Variants in NPIPB2 observed in about 807,000 individuals in gnomAD.
NPIPB2 encodes nuclear pore complex-interacting protein family member B2.
In NPIPB2, 27 loss-of-function variants were observed where a neutral mutation model predicts 30.8. That is an observed-to-expected ratio of 0.88 (90% CI 0.65 to 1.21). The LOEUF is 1.21. Ranked by LOEUF, NPIPB2 falls within the 50% of genes most tolerant of loss-of-function variation. The probability of loss-of-function intolerance (pLI) is 0.00; values close to 1 mark genes in which losing one functional copy is unlikely to be tolerated. For missense variants in NPIPB2, 440 were observed against 446.2 expected (o/e 0.99, Z 0.13); for synonymous variants, 147 against 162.0 (o/e 0.91, Z 0.70).
chr16:11,950,472 C>G (rs143033982), intron 1 of NPIPB2, among the ~76,000 whole-genome samples: 1 of 152,122 alleles, frequency 6.6e-6, no homozygotes, highest in Non-Finnish European at 1.5e-5. Flanking sequence ...GCCCGCTAAG[C>G]CTTGAATTTG....
At chr16:11,934,758 C>T (rs1218480488) in intron 2 of NPIPB2, among the ~76,000 whole-genome samples, 1 of 142,784 alleles carries the variant, frequency 7.0e-6, no homozygotes, top group Admixed American at 7.2e-5. Context: ...ACTTGGGAGG[C>T]TGAGGCAGGA....
At chr16:11,966,025 T>C (rs432140) in intron 1 of NPIPB2, among the ~76,000 whole-genome samples, 150,067 of 152,234 alleles carry the variant, frequency 0.99, 74,007 homozygotes, top group East Asian at 1. Context: ...GCAGGAGAAT[T>C]GTTTGAACTT....
chr16:11,951,666 A>ACACACCCCCC lies in NPIPB2; in HGVS notation c.-583-9553_-583-9552insGGGGGGTGTG, dbSNP rs1226047972. ...CACACACACACACACACACACACAC[A>ACACACCCCCC]CCCAGCCCCCAAACAACAAAATTCA... is the stretch of plus-strand genomic sequence containing the variant. On this transcript the variant is annotated intron_variant, in intron 1 of 5. Coordinates refer to the NPIPB2 transcript ENST00000538896. Among the ~76,000 whole-genome samples, 17 of 138,968 alleles carry ACACACCCCCC rather than the reference A, an allele frequency of 1.2e-4. No homozygotes were observed. In the East Asian group the frequency reaches 1.7e-3, roughly 14 times the overall value. The allele number at this position is 138,968 out of a possible 152,430, so 91.2% of individuals were successfully genotyped here.
chr16:11,944,400 C>T (rs900886800), upstream of NPIPB2, among the ~76,000 whole-genome samples: 22 of 151,808 alleles, frequency 1.4e-4, no homozygotes, highest in Admixed American at 3.9e-4. Context: ...CTCCTGACCT[C>T]GTGTGATCTG....
intron 1 of NPIPB2, chr16:11,967,782 T>C: frequency 6.2e-7 from 1 of 1,614,208 alleles, no homozygotes; most frequent in East Asian, 2.2e-5. Context: ...AACGAATGAC[T>C]ATTGCAAGAG....
chr16:11,972,736 C>T (rs983165684), intron 1 of NPIPB2, among the ~76,000 whole-genome samples: 10 of 151,366 alleles, frequency 6.6e-5, no homozygotes, highest in South Asian at 2.1e-4. Flanking sequence ...TGGTGGTGGG[C>T]GCCTGTAATC....
At chr16:11,959,306 G>C (rs928836080) in intron 1 of NPIPB2, among the ~76,000 whole-genome samples, 4 of 152,102 alleles carry the variant, frequency 2.6e-5, no homozygotes, top group African/African-American at 9.7e-5. Context: ...TCCTAGCCAG[G>C]CACAGTGGCT....
upstream of NPIPB2, among the ~76,000 whole-genome samples, chr16:11,946,074 AAAGG>A (rs978017865): frequency 2.6e-5 from 4 of 151,750 alleles, no homozygotes; most frequent in Admixed American, 2.0e-4. Context: ...AGAAAGAAAG[AAAGG>A]AAGGAAGGAA....
intron 1 of NPIPB2, among the ~76,000 whole-genome samples, chr16:11,957,698 AAAG>A (rs1164515769): frequency 1.3e-5 from 2 of 152,134 alleles, no homozygotes; most frequent in Admixed American, 1.3e-4. Context: ...ATTTCCTGAA[AAAG>A]AAGGAATTCA....
chr16:11,972,155 CA>C (rs1244900657), intron 1 of NPIPB2, among the ~76,000 whole-genome samples: 1 of 151,660 alleles, frequency 6.6e-6, no homozygotes, highest in Non-Finnish European at 1.5e-5. Flanking sequence ...CTCAAAAAAA[CA>C]AAAACAAACC....
upstream of NPIPB2, among the ~76,000 whole-genome samples, chr16:11,942,634 T>C (rs866420953): frequency 2.6e-5 from 4 of 152,176 alleles, no homozygotes; most frequent in Non-Finnish European, 5.9e-5. Context: ...CCAAGGAATC[T>C]GTGCATTTCA....
In NPIPB2 at chr16:11,955,093, G is replaced by A. The variant is rs894972160; in HGVS notation, c.-583-12979C>T. 5.3e-4 allele frequency among the ~76,000 whole-genome samples: 81 copies of A among 151,964 alleles called. 1 individual carries two copies. The highest frequency in any genetic ancestry group is 1.5e-5 in the Non-Finnish European group (1 of 67,982). On this transcript the variant is annotated intron_variant, in intron 1 of 5. Transcript: ENST00000538896. ...TCATCTATAAAGATTTCAGAATTTAGGCTGGGCGCGGTGGCTCACACCTAT... is the reference window on the plus strand; with the variant it reads ...TCATCTATAAAGATTTCAGAATTTAAGCTGGGCGCGGTGGCTCACACCTAT...
At position 11,975,141 on chromosome 16, in the gene NPIPB2, C is replaced by T. The variant is rs1450457302; in HGVS notation, c.-584+1427G>A. ...CTTGTGTTCACACTCAATCCATCAC[C>T]TTTTTTTTTTTTTTTTTTTTTTTTG... On this transcript the variant is annotated intron_variant, in intron 1 of 5. Coordinates refer to the NPIPB2 transcript ENST00000538896. Among the ~76,000 whole-genome samples the T allele has an allele frequency of 6.1e-4, 23 of 37,520 alleles. No homozygotes were observed. In the South Asian group the frequency reaches 0.031, roughly 51 times the overall value. 24.6% of individuals were successfully genotyped at this position (37,520 alleles called of 152,430 possible).
chr16:11,975,378 A>T (rs2055276359), intron 1 of NPIPB2, among the ~76,000 whole-genome samples: 1 of 149,142 alleles, frequency 6.7e-6, no homozygotes, highest in Admixed American at 6.7e-5. Flanking sequence ...CGATCTCCTG[A>T]CCTCGTGATC....
At chr16:11,941,615 T>A (rs1207371167) in intron 1 of NPIPB2, among the ~76,000 whole-genome samples, 1 of 150,984 alleles carries the variant, frequency 6.6e-6, no homozygotes, top group African/African-American at 2.4e-5. Flanking sequence ...AGACAAAGGT[T>A]CTGCTATCCA....
At chr16:11,938,717 A>G (rs1341009938) in intron 1 of NPIPB2, among the ~76,000 whole-genome samples, 3 of 152,090 alleles carry the variant, frequency 2.0e-5, no homozygotes, top group Non-Finnish European at 4.4e-5. Flanking sequence ...CCCGTCACTC[A>G]TGGGTAAGAC....
rs1237887146 is a variant in NPIPB2 at position 11,951,619 on chromosome 16, T to TACACACACACACAC, written c.-583-9506_-583-9505insGTGTGTGTGTGTGT. Among the ~76,000 whole-genome samples the TACACACACACACAC allele has an allele frequency of 7.4e-4, 86 of 115,888 alleles. 3 individuals carry two copies. The highest frequency in any genetic ancestry group is 2.5e-3 in the African/African-American group (77 of 31,076). The allele number at this position is 115,888 out of a possible 152,430, so 76.0% of individuals were successfully genotyped here. On this transcript the variant is annotated intron_variant, in intron 1 of 5. Transcript: ENST00000538896. ...CACTGATACAGATGGACACTGCACA[T>TACACACACACACAC]ACACATACACACACACACACACACA...
intron 2 of NPIPB2, among the ~76,000 whole-genome samples, chr16:11,935,339 G>A (rs1446851249): frequency 6.6e-6 from 1 of 152,082 alleles, no homozygotes; most frequent in Non-Finnish European, 1.5e-5. Flanking sequence ...TTCTTGAGAC[G>A]GAGTGTCACT....
At chr16:11,948,636 G>A (rs891120496) in intron 1 of NPIPB2, among the ~76,000 whole-genome samples, 3 of 150,916 alleles carry the variant, frequency 2.0e-5, no homozygotes, top group Admixed American at 6.6e-5. Flanking sequence ...GCGTAGTGGC[G>A]GGCGCCTGTA....
Sources: allele counts gnomAD v4.1 joint callset (sites outside exome capture counted in the v4.1 genomes callset), GRCh38; gene constraint gnomAD v4.1.1; transcripts MANE v1.5; gene names NCBI Gene and HGNC (gene_info 2026-07-23, HGNC 2026-07-21).